The following CACNA1B variants were observed in gnomAD, a reference collection of about 807,000 sequenced individuals.
CACNA1B encodes calcium voltage-gated channel subunit alpha1 B, also known as voltage-dependent N-type calcium channel subunit alpha-1B.
Under a neutral mutation model 247.2 loss-of-function variants are expected in CACNA1B, and 70 were observed. The observed-to-expected ratio is 0.28, with a 90% CI of 0.23 to 0.35. The LOEUF (loss-of-function observed/expected upper bound fraction) is 0.35. CACNA1B is among the 10% of genes least tolerant of loss of function. CACNA1B has a pLI of 1.00. For missense variants in CACNA1B, 2,367 were observed against 3,197.4 expected (o/e 0.74, Z 6.26); for synonymous variants, 1,231 against 1,294.4 (o/e 0.95, Z 1.05).
chr9:137,975,184 C>G (rs1293245032), intron 11 of CACNA1B, among the ~76,000 whole-genome samples: 1 of 152,098 alleles, frequency 6.6e-6, no homozygotes, highest in Non-Finnish European at 1.5e-5. Context: ...GTACTGAGGC[C>G]CGGAAGGGTC....
At chr9:137,976,701 A>G in intron 12 of CACNA1B, among the ~76,000 whole-genome samples, 1 of 138,446 alleles carries the variant, frequency 7.2e-6, no homozygotes, top group Non-Finnish European at 1.5e-5. Flanking sequence ...TTACCAACTT[A>G]TGTAGGTAGG....
At position 138,025,172 on chromosome 9, in the gene CACNA1B, A is replaced by C; in HGVS notation, c.3286A>C (p.Ser1096Arg). The change falls in exon 20 of 47, where the codon AGT becomes CGT. Residue 1096 changes from serine (S) to arginine (R), a missense_variant and splice_region_variant. Coordinates refer to ENST00000371372, the MANE Select transcript of CACNA1B (RefSeq NM_000718.4). ...GPLGEATVVP[S>R]GNVDLESQAE... is the part of the protein sequence containing the mutation. ...TCTTGGGGAAGCCACGGTCGTTCCCAGTGAGTATCTCCCTGTGCCAGTGGG... is the reference window on the plus strand; with the variant it reads ...TCTTGGGGAAGCCACGGTCGTTCCCCGTGAGTATCTCCCTGTGCCAGTGGG... 1 of 1,600,434 alleles carries C rather than the reference A, an allele frequency of 6.2e-7. No homozygotes were observed. The highest frequency in any genetic ancestry group is 8.5e-7 in the Non-Finnish European group (1 of 1,171,144).
At position 138,114,352 on chromosome 9, in the gene CACNA1B, A is replaced by C. The variant is rs183671571; in HGVS notation, c.5537-26A>C. On this transcript the variant is annotated intron_variant, in intron 40 of 46. Coordinates refer to ENST00000371372, the MANE Select transcript of CACNA1B (RefSeq NM_000718.4). Reference sequence around the variant, plus strand: ...GTGGATCCTCTGCCCCCTTCTCCGAATCTCAACTCCTGTGTTCTTTTCCAG... The same window carrying C: ...GTGGATCCTCTGCCCCCTTCTCCGACTCTCAACTCCTGTGTTCTTTTCCAG... 1,819 of 1,226,156 alleles carry C rather than the reference A, an allele frequency of 1.5e-3. 10 individuals carry two copies. The highest frequency in any genetic ancestry group is 1.3e-3 in the Admixed American group (67 of 51,910). The allele number at this position is 1,226,156 out of a possible 1,614,324, so 76.0% of individuals were successfully genotyped here.
At chr9:138,047,369 C>T (rs1487141229) in intron 22 of CACNA1B, 30 bp from the exon 23 acceptor site, 2 of 1,563,876 alleles carry the variant, frequency 1.3e-6, no homozygotes, top group South Asian at 1.1e-5. Context: ...TCAGCCCAGC[C>T]TTTGAGAATA....
At chr9:138,098,008 C>T (rs1186754107) in intron 37 of CACNA1B, among the ~76,000 whole-genome samples, 2 of 152,198 alleles carry the variant, frequency 1.3e-5, no homozygotes, top group African/African-American at 2.4e-5. Flanking sequence ...CTGGCAGCAT[C>T]GGGGGCCCTG....
chr9:137,925,435 G>T (rs1957538193), intron 6 of CACNA1B, among the ~76,000 whole-genome samples: 1 of 152,188 alleles, frequency 6.6e-6, no homozygotes, highest in Non-Finnish European at 1.5e-5. Context: ...TTTGGGTGTG[G>T]TGTTCTAACA....
At chr9:137,975,049 A>G (rs1050845211) in intron 11 of CACNA1B, among the ~76,000 whole-genome samples, 1 of 152,034 alleles carries the variant, frequency 6.6e-6, no homozygotes, top group Non-Finnish European at 1.5e-5. Context: ...CTGTGGCCTC[A>G]CCCAGCTCTG....
intron 15 of CACNA1B, among the ~76,000 whole-genome samples, chr9:137,991,142 A>G (rs185978553): frequency 6.6e-6 from 1 of 152,366 alleles, no homozygotes; most frequent in African/African-American, 2.4e-5. Flanking sequence ...AAGCTAATCA[A>G]GGAGGTACCA....
chr9:138,046,881 G>A, intron 21 of CACNA1B, 23 bp from the exon 22 acceptor site: 1 of 1,609,996 alleles, frequency 6.2e-7, no homozygotes, highest in Non-Finnish European at 8.5e-7. Context: ...GGGCCTTGTG[G>A]TGATCCGTGC....
At chr9:137,897,507 A>T (rs1307229798) in intron 3 of CACNA1B, among the ~76,000 whole-genome samples, 1 of 151,956 alleles carries the variant, frequency 6.6e-6, no homozygotes, top group Non-Finnish European at 1.5e-5. Context: ...TTGAACCCGG[A>T]AGGTAGAGGT....
At chr9:137,895,827 C>T (rs892108398) in intron 3 of CACNA1B, among the ~76,000 whole-genome samples, 1 of 152,198 alleles carries the variant, frequency 6.6e-6, no homozygotes, top group Non-Finnish European at 1.5e-5. Context: ...CTTTTCTTTT[C>T]TTACCTTATT....
intron 20 of CACNA1B, among the ~76,000 whole-genome samples, chr9:138,029,622 T>G (rs1007475191): frequency 1.3e-5 from 2 of 150,240 alleles, no homozygotes; most frequent in Non-Finnish European, 3.0e-5. Context: ...TTTTTTTTTT[T>G]TTTTTCCAGA....
At chr9:138,106,096 GACACAGCCTGGTC>G (rs1961414958) in intron 39 of CACNA1B, among the ~76,000 whole-genome samples, 1 of 152,196 alleles carries the variant, frequency 6.6e-6, no homozygotes, top group Non-Finnish European at 1.5e-5. Context: ...GTGGAACCAG[GACACAGCCTGGTC>G]AAGCCTCACC....
At chr9:137,981,211 G>A (rs1286021859) in intron 12 of CACNA1B, among the ~76,000 whole-genome samples, 1 of 152,138 alleles carries the variant, frequency 6.6e-6, no homozygotes, top group African/African-American at 2.4e-5. Context: ...TCTCACTGTG[G>A]TTTTGATTTG....
At chr9:137,879,696 G>A (rs1016505409) in intron 2 of CACNA1B, among the ~76,000 whole-genome samples, 1 of 152,194 alleles carries the variant, frequency 6.6e-6, no homozygotes, top group Non-Finnish European at 1.5e-5. Flanking sequence ...CCTGTCCCCA[G>A]ATTCCAGCCA....
Position 138,118,092 on chromosome 9 carries a change from C to G in CACNA1B, c.5913+11C>G, listed in dbSNP as rs751027657. 2.1e-6 allele frequency: 3 copies of G among 1,456,478 alleles called. No homozygotes were observed. The East Asian group carries it at 8.4e-5, about 41-fold the overall frequency. 90.2% of individuals were successfully genotyped at this position (1,456,478 alleles called of 1,614,324 possible). A position where few individuals can be genotyped will look rare whatever the true frequency, so the allele number is the denominator to read the frequency against. On this transcript the variant is annotated intron_variant, in intron 43 of 46. Coordinates refer to ENST00000371372, the MANE Select transcript of CACNA1B (RefSeq NM_000718.4). ...CGGTCAGGAGCACTGGTGAGCACTCCCGGGGGCTAGTGAGACTGGGTTGGG... is the reference window on the plus strand; with the variant it reads ...CGGTCAGGAGCACTGGTGAGCACTCGCGGGGGCTAGTGAGACTGGGTTGGG...
At chr9:138,117,383 C>T (rs554516166) in intron 42 of CACNA1B, among the ~76,000 whole-genome samples, 1 of 152,120 alleles carries the variant, frequency 6.6e-6, no homozygotes, top group African/African-American at 2.4e-5. Flanking sequence ...GGGCGAGGCC[C>T]CCTACCCCCC....
At chr9:137,998,461 A>G (rs557639771) in intron 15 of CACNA1B, among the ~76,000 whole-genome samples, 2 of 152,272 alleles carry the variant, frequency 1.3e-5, no homozygotes, top group East Asian at 3.9e-4. Context: ...AATACGTAAA[A>G]TTAGCTGGGT....
chr9:138,027,331 G>A (rs886325813), intron 20 of CACNA1B, among the ~76,000 whole-genome samples: 13 of 152,002 alleles, frequency 8.6e-5, no homozygotes, highest in Admixed American at 3.3e-4. Context: ...GTTTTTATAT[G>A]TTGATTATGT....
Sources: gnomAD v4.1 joint callset for allele counts (sites outside exome capture counted in the v4.1 genomes callset) on GRCh38, gnomAD v4.1.1 for gene constraint, MANE v1.5 for transcripts, NCBI Gene and HGNC (gene_info 2026-07-23, HGNC 2026-07-21) for gene names.